RFTN2: variants seen among roughly 807,000 people sequenced by gnomAD.
The protein encoded by RFTN2 is raftlin family member 2, also known as raftlin-2.
In RFTN2, 34 loss-of-function variants were observed where a neutral mutation model predicts 52.7. The observed-to-expected ratio is 0.64, with a 90% confidence interval of 0.49 to 0.86. RFTN2 has a LOEUF of 0.86. Among genes scored for constraint, RFTN2 ranks in the 40% least tolerant of loss-of-function variants. The probability of loss-of-function intolerance (pLI) is 0.00; values close to 1 mark genes in which losing one functional copy is unlikely to be tolerated. For synonymous variants in RFTN2, 203 were observed against 217.7 expected, an observed-to-expected ratio of 0.93 and a Z score of 0.59; for missense variants, 536 against 600.1, an observed-to-expected ratio of 0.89 and a Z score of 1.12.
intron 7 of RFTN2, among the ~76,000 whole-genome samples, chr2:197,610,887 T>C (rs1346437699): frequency 6.6e-6 from 1 of 152,242 alleles, no homozygotes; most frequent in Non-Finnish European, 1.5e-5. Context: ...TTTTTTGTCA[T>C]TGGTTCTGTT....
chr2:197,666,805 A>G (rs9967823), intron 1 of RFTN2, among the ~76,000 whole-genome samples: 103,556 of 152,040 alleles, frequency 0.68, 35,605 homozygotes, highest in Middle Eastern at 0.85. Context: ...ATGTCATGAA[A>G]ACTTTGTTCA....
intron 1 of RFTN2, among the ~76,000 whole-genome samples, chr2:197,656,828 G>T (rs2088900983): frequency 6.6e-6 from 1 of 152,036 alleles, no homozygotes. Flanking sequence ...AGCTCAAACT[G>T]ATCTACTACA....
rs140130307 is a variant in RFTN2 at position 197,642,998 on chromosome 2, T to C, written c.438+1160A>G. Among the ~76,000 whole-genome samples the C allele has an allele frequency of 1.6e-4, 25 of 152,360 alleles. No individual in the cohort carries two copies. The East Asian group carries it at 4.6e-3, about 28-fold the overall frequency. ...ACAAAAAAAGACAAAATGGGATTTA[T>C]GATTCTTCTTACTAAATAGATATTC... On this transcript the variant is annotated intron_variant, in intron 3 of 8. Coordinates refer to ENST00000295049, the MANE Select transcript of RFTN2 (RefSeq NM_144629.3).
At chr2:197,600,816 T>C (rs1026528153) in intron 7 of RFTN2, among the ~76,000 whole-genome samples, 1 of 152,228 alleles carries the variant, frequency 6.6e-6, no homozygotes, top group Non-Finnish European at 1.5e-5. Flanking sequence ...ATCTTCTGGT[T>C]CTGTTTTAGA....
chr2:197,670,331 AAAC>A (rs2089127349), intron 1 of RFTN2, among the ~76,000 whole-genome samples: 1 of 152,220 alleles, frequency 6.6e-6, no homozygotes, highest in South Asian at 2.1e-4. Context: ...GGGCTATTAC[AAAC>A]AACACTTCTA....
At chr2:197,575,205 G>A (rs1255506107) in intron 8 of RFTN2, among the ~76,000 whole-genome samples, 1 of 152,210 alleles carries the variant, frequency 6.6e-6, no homozygotes, top group African/African-American at 2.4e-5. Context: ...TGTAAGACAT[G>A]ACTTTGCTCC....
intron 8 of RFTN2, among the ~76,000 whole-genome samples, chr2:197,591,925 C>T (rs1199319106): frequency 6.6e-6 from 1 of 152,036 alleles, no homozygotes; most frequent in Non-Finnish European, 1.5e-5. Flanking sequence ...CGTGCCTCTC[C>T]CTCCACGCCT....
At chr2:197,609,782 G>A (rs914030507) in intron 7 of RFTN2, among the ~76,000 whole-genome samples, 3 of 152,158 alleles carry the variant, frequency 2.0e-5, no homozygotes, top group African/African-American at 4.8e-5. Flanking sequence ...TCCATCTTGA[G>A]TTAATTTTTG....
chr2:197,631,162 C>T lies in RFTN2; in HGVS notation c.777G>A (p.Trp259Ter), dbSNP rs2088463607. Residue 259 changes from tryptophan to a stop codon, truncating the protein, a stop_gained, in exon 5 of 9, where the codon TGG (tryptophan) becomes TGA (stop). Transcript: ENST00000295049. LOFTEE classifies it high-confidence loss of function. ...TTGACAGGATGCCTTCCTGATAGGC[C>T]CAGGAGGTTGAATCATCATCAAAAG... Reference protein sequence around the residue: ...FNAFDDDSTSWAYQEGILSMK... With the variant: ...FNAFDDDSTS 1 of 1,613,286 alleles carries T rather than the reference C, an allele frequency of 6.2e-7. No homozygotes were observed.
chr2:197,614,576 T>A (rs1394518215), intron 7 of RFTN2, among the ~76,000 whole-genome samples: 1 of 152,214 alleles, frequency 6.6e-6, no homozygotes, highest in African/African-American at 2.4e-5. Flanking sequence ...AACACATGCC[T>A]ACTTGGGCTT....
chr2:197,584,361 A>G (rs1227718337), intron 8 of RFTN2, among the ~76,000 whole-genome samples: 10 of 151,868 alleles, frequency 6.6e-5, no homozygotes, highest in African/African-American at 2.4e-4. Context: ...TTTGATCTGC[A>G]TTTCTCTGAT....
At chr2:197,584,435 T>C (rs1230067234) in intron 8 of RFTN2, among the ~76,000 whole-genome samples, 1 of 152,254 alleles carries the variant, frequency 6.6e-6, no homozygotes, top group Non-Finnish European at 1.5e-5. Flanking sequence ...TCTGTTCATA[T>C]GCTTTGCCCA....
intron 7 of RFTN2, among the ~76,000 whole-genome samples, chr2:197,605,224 G>A (rs1643749497): frequency 6.6e-6 from 1 of 151,656 alleles, no homozygotes; most frequent in African/African-American, 2.4e-5. Flanking sequence ...GAATTTGTTG[G>A]GTTTTTTTTT....
Position 197,675,435 on chromosome 2 carries a change from T to C in RFTN2, c.24A>G (p.Leu8=), listed in dbSNP as rs370678199. The change falls in exon 1 of 9, where the codon CTA becomes CTG. Residue 8 remains leucine (L), a synonymous_variant. Transcript: ENST00000295049. MGCGLRK[L]EDPDDSSPGK... ...CAGGGCTGCTATCATCAGGGTCTTC[T>C]AGCTTTCTAAGTCCGCACCCCATGG... The C allele has an allele frequency of 1.9e-6, 3 of 1,597,844 alleles. No homozygotes were observed. Among genetic ancestry groups the C allele is most frequent in the African/African-American group, 1.4e-5 (1 of 73,924 alleles).
intron 3 of RFTN2, among the ~76,000 whole-genome samples, chr2:197,640,379 TCAG>T (rs1353061653): frequency 3.9e-5 from 6 of 152,282 alleles, no homozygotes; most frequent in Admixed American, 1.3e-4. Flanking sequence ...GTGCTAGCAA[TCAG>T]CGAGACTCCG....
intron 5 of RFTN2, among the ~76,000 whole-genome samples, chr2:197,619,166 G>A (rs1312223484): frequency 2.6e-5 from 4 of 151,896 alleles, no homozygotes; most frequent in Non-Finnish European, 5.9e-5. Flanking sequence ...CGGGAGGTGA[G>A]GGGCGCCTCT....
At position 197,673,251 on chromosome 2, in the gene RFTN2, G is replaced by A. The variant is rs562243934; in HGVS notation, c.139+2069C>T. The stretch of plus-strand genomic sequence containing the variant: ...CCCAGCAACCCAGGACAGAATTACC[G>A]GTGCCAAACAGAAAGCTGGCATGTT... On this transcript the variant is annotated intron_variant, in intron 1 of 8. Transcript: ENST00000295049. Among the ~76,000 whole-genome samples, 112 of 152,216 alleles carry A rather than the reference G, an allele frequency of 7.4e-4. 1 individual carries two copies. Among genetic ancestry groups the A allele is most frequent in the African/African-American group, 2.6e-3 (108 of 41,532 alleles).
rs80282386 is a variant in RFTN2, at chr2:197,613,873, T to C, written c.1154+2003A>G. ...AGTGAGCCTTGTTGCATAATGGCAATTAATGTTAAAATTACATTTTTCTGC... is the reference window on the plus strand; with the variant it reads ...AGTGAGCCTTGTTGCATAATGGCAACTAATGTTAAAATTACATTTTTCTGC... On this transcript the variant is annotated intron_variant, in intron 7 of 8. Transcript: ENST00000295049. Among the ~76,000 whole-genome samples the C allele has an allele frequency of 7.8e-3, 1,194 of 152,330 alleles. 12 individuals carry two copies. Among genetic ancestry groups the C allele is most frequent in the African/African-American group, 0.027 (1,116 of 41,568 alleles).
intron 5 of RFTN2, among the ~76,000 whole-genome samples, chr2:197,622,492 G>T (rs2106220148): frequency 6.6e-6 from 1 of 152,214 alleles, no homozygotes; most frequent in Admixed American, 6.5e-5. Flanking sequence ...TTTTAGTAGA[G>T]GCGGGGTTTC....
Sources: gnomAD v4.1 joint callset for allele counts (sites outside exome capture counted in the v4.1 genomes callset) on GRCh38, gnomAD v4.1.1 for gene constraint, MANE v1.5 for transcripts, NCBI Gene and HGNC (gene_info 2026-07-23, HGNC 2026-07-21) for gene names.